Variants in CRISPLD1 observed in about 807,000 individuals in gnomAD.
CRISPLD1 encodes the protein cysteine rich secretory protein LCCL domain containing 1, also known as cysteine-rich secretory protein LCCL domain-containing 1.
CRISPLD1 carries 60 observed loss-of-function variants against 77.5 expected under a neutral mutation model. The ratio of observed to expected loss-of-function variants is 0.77; its 90% CI spans 0.63 to 0.96. The LOEUF (loss-of-function observed/expected upper bound fraction) is 0.96. CRISPLD1 is among the 40% of genes least tolerant of loss of function. CRISPLD1 has a pLI of 0.00. For synonymous variants in CRISPLD1, 195 were observed against 200.1 expected (o/e 0.97, Z 0.22); for missense variants, 623 against 615.8 (o/e 1.01, Z -0.12).
At chr8:75,016,979 A>G in intron 8 of CRISPLD1, 38 bp downstream of exon 8, 1 of 1,518,840 alleles carries the variant, frequency 6.6e-7, no homozygotes. Context: ...AATTGAATAT[A>G]ATAAATATTT....
In CRISPLD1 at chr8:75,018,438, G is replaced by C. The variant is rs924079533; in HGVS notation, c.1127+988G>C. Among the ~76,000 whole-genome samples, 4 of 151,856 alleles carry C rather than the reference G, an allele frequency of 2.6e-5. No individual in the cohort carries two copies. The South Asian group carries it at 8.3e-4, about 32-fold the overall frequency. ...TCCCAAGTAGCTGGAATACAGGTGCGTGCCACCATGCCCAGCTAATTTTTG... is the reference window on the plus strand; with the variant it reads ...TCCCAAGTAGCTGGAATACAGGTGCCTGCCACCATGCCCAGCTAATTTTTG... On this transcript the variant is annotated intron_variant, in intron 10 of 14. Transcript: ENST00000262207.
At chr8:74,989,445 C>T (rs1348393862) in intron 2 of CRISPLD1, among the ~76,000 whole-genome samples, 2 of 152,130 alleles carry the variant, frequency 1.3e-5, no homozygotes, top group African/African-American at 4.8e-5. Flanking sequence ...CTTATTGGCA[C>T]ATGAACCCTG....
chr8:74,994,763 G>A (rs1299511433), intron 2 of CRISPLD1, among the ~76,000 whole-genome samples: 2 of 152,110 alleles, frequency 1.3e-5, no homozygotes, highest in African/African-American at 4.8e-5. Context: ...ACTATCATGG[G>A]GAATGTCTTT....
At chr8:75,024,388 T>C (rs1339645820) in intron 12 of CRISPLD1, among the ~76,000 whole-genome samples, 1 of 152,074 alleles carries the variant, frequency 6.6e-6, no homozygotes, top group East Asian at 1.9e-4. Context: ...TGCAGTGGCA[T>C]GATCTCAGCT....
At chr8:75,026,471 T>A (rs750431738) in intron 13 of CRISPLD1, 7 of 152,190 alleles carry the variant, frequency 4.6e-5, no homozygotes, top group Non-Finnish European at 7.3e-5. Flanking sequence ...TACATCAGAC[T>A]AGCAGATAGC....
rs534797989 is a variant in CRISPLD1, at chr8:74,992,254, T to C, written c.258+6009T>C. Among the ~76,000 whole-genome samples, 4 of 152,320 alleles carry C rather than the reference T, an allele frequency of 2.6e-5. No individual in the cohort carries two copies. In the East Asian group the frequency reaches 5.8e-4, roughly 22 times the overall value. ...AACCAGAGATATCGATGTGGGAAAT[T>C]GGAAACACTTGAGAACAAGGTATAA... On this transcript the variant is annotated intron_variant, in intron 2 of 14. Coordinates refer to ENST00000262207, the MANE Select transcript of CRISPLD1 (RefSeq NM_031461.6).
At chr8:74,996,840 C>T (rs1812653298) in intron 2 of CRISPLD1, among the ~76,000 whole-genome samples, 1 of 150,366 alleles carries the variant, frequency 6.7e-6, no homozygotes, top group Admixed American at 6.7e-5. Context: ...ACCTCAGCCT[C>T]CTGAGTAGCT....
At chr8:75,006,476 C>G (rs1779919586) in intron 2 of CRISPLD1, among the ~76,000 whole-genome samples, 1 of 151,978 alleles carries the variant, frequency 6.6e-6, no homozygotes, top group African/African-American at 2.4e-5. Context: ...AGACATTTTT[C>G]TCAGCATGTC....
chr8:75,031,055 G>A (rs1019658825), intron 14 of CRISPLD1, among the ~76,000 whole-genome samples: 7 of 151,880 alleles, frequency 4.6e-5, no homozygotes, highest in Non-Finnish European at 1.0e-4. Context: ...ATTTAACTGT[G>A]TACAAAAAGG....
chr8:75,017,798 G>A lies in CRISPLD1; in HGVS notation c.1127+348G>A, dbSNP rs143603136. Among the ~76,000 whole-genome samples the A allele has an allele frequency of 4.1e-3, 621 of 152,172 alleles. 3 individuals are homozygous for A. The highest frequency in any genetic ancestry group is 0.014 in the African/African-American group (573 of 41,522). ...TTGCATATTCTTCCTGTCCTATTTA[G>A]GGAAAATGGCTTATTTCATGCAACA... On this transcript the variant is annotated intron_variant, in intron 10 of 14. Coordinates refer to ENST00000262207, the MANE Select transcript of CRISPLD1 (RefSeq NM_031461.6).
intron 2 of CRISPLD1, among the ~76,000 whole-genome samples, chr8:75,001,605 A>G (rs980634198): frequency 1.3e-5 from 2 of 152,208 alleles, no homozygotes; most frequent in African/African-American, 4.8e-5. Context: ...AGTTACCGTC[A>G]TTGTGTGGAA....
intron 2 of CRISPLD1, among the ~76,000 whole-genome samples, chr8:74,993,705 A>C (rs1812608304): frequency 6.6e-6 from 1 of 152,230 alleles, no homozygotes. Context: ...AAGACAAGAG[A>C]AGAAAAGTAG....
Position 75,017,039 on chromosome 8 carries a change from T to C in CRISPLD1, c.930-8T>C, listed in dbSNP as rs751712792. On this transcript the variant is annotated splice_polypyrimidine_tract_variant and splice_region_variant and intron_variant, in intron 8 of 14. Transcript: ENST00000262207. ...AACTAAATTTTGTGCCCAATTACTT[T>C]TATTTAGGTACGAATGTCCTGCTGG... is the stretch of plus-strand genomic sequence containing the variant. The C allele has an allele frequency of 4.4e-6, 7 of 1,609,182 alleles. No homozygotes were observed. Among genetic ancestry groups the C allele is most frequent in the Non-Finnish European group, 5.1e-6 (6 of 1,177,404 alleles).
chr8:74,999,723 A>T (rs528980661), intron 2 of CRISPLD1, among the ~76,000 whole-genome samples: 1 of 151,934 alleles, frequency 6.6e-6, no homozygotes, highest in South Asian at 2.1e-4. Context: ...CCCTTTTTAT[A>T]AGGTAGTAAC....
At chr8:75,009,184 G>A (rs941438180) in intron 2 of CRISPLD1, among the ~76,000 whole-genome samples, 2 of 152,034 alleles carry the variant, frequency 1.3e-5, no homozygotes, top group Admixed American at 6.6e-5. Context: ...TCATCTGAGG[G>A]CTGGCAAACT....
At position 74,998,393 on chromosome 8, in the gene CRISPLD1, T is replaced by C. The variant is rs371522938; in HGVS notation, c.258+12148T>C. 1.6e-3 allele frequency among the ~76,000 whole-genome samples: 236 copies of C among 152,176 alleles called. 5 individuals are homozygous for C. In the South Asian group the frequency reaches 0.048, roughly 31 times the overall value. Reference sequence around the variant, plus strand: ...AACCTGTTTTACCATGCTTTGAAGTTCTTAGGTTTAGTCCAGCGCCGTGGC... The same window carrying C: ...AACCTGTTTTACCATGCTTTGAAGTCCTTAGGTTTAGTCCAGCGCCGTGGC... On this transcript the variant is annotated intron_variant, in intron 2 of 14. Transcript: ENST00000262207.
chr8:74,987,656 G>A (rs527512192), intron 2 of CRISPLD1, among the ~76,000 whole-genome samples: 1 of 152,140 alleles, frequency 6.6e-6, no homozygotes, highest in African/African-American at 2.4e-5. Flanking sequence ...TATAGTGTTT[G>A]TCTAAAGTGA....
chr8:75,012,958 A>C lies in CRISPLD1; in HGVS notation c.446A>C (p.Glu149Ala), dbSNP rs1812960211. The C allele has an allele frequency of 3.1e-6, 5 of 1,612,940 alleles. No homozygotes were observed. The highest frequency in any genetic ancestry group is 4.2e-6 in the Non-Finnish European group (5 of 1,179,306). The change falls in exon 4 of 15, where the codon GAA (glutamate) becomes GCA (alanine). Residue 149 changes from glutamate to alanine, a missense_variant. Transcript: ENST00000262207. ...DEVKDFSYPY[E>A]HECNPYCPFR... ...GTGAAAGACTTTAGCTACCCATATG[A>C]ACATGAATGCAACCCATATTGTCCA...
At chr8:75,025,888 G>A (rs951969413) in intron 13 of CRISPLD1, among the ~76,000 whole-genome samples, 2 of 152,110 alleles carry the variant, frequency 1.3e-5, no homozygotes, top group Admixed American at 6.5e-5. Context: ...TGTAGTTATT[G>A]TTGGGAAGGA....
Sources: allele counts gnomAD v4.1 joint callset (sites outside exome capture counted in the v4.1 genomes callset), GRCh38; gene constraint gnomAD v4.1.1; transcripts MANE v1.5; gene names NCBI Gene and HGNC (gene_info 2026-07-23, HGNC 2026-07-21).